Variants in SPON1 observed in about 807,000 individuals in gnomAD.
SPON1 encodes the protein spondin-1.
A neutral mutation model predicts 111.7 loss-of-function variants in SPON1; 52 were observed. That is an observed-to-expected ratio of 0.47 (90% CI 0.37 to 0.59). SPON1 has a LOEUF of 0.59. SPON1 is among the 20% of genes least tolerant of loss of function. The probability of loss-of-function intolerance (pLI) is 0.00; values close to 1 mark genes in which losing one functional copy is unlikely to be tolerated. For missense variants in SPON1, 957 were observed against 1,068.5 expected (o/e 0.90, Z 1.46); for synonymous variants, 410 against 395.8 (o/e 1.04, Z -0.43).
chr11:14,172,491 C>T lies in SPON1; in HGVS notation c.825+36923C>T, dbSNP rs1313423679. On this transcript the variant is annotated intron_variant, in intron 6 of 15. Coordinates refer to ENST00000576479, the MANE Select transcript of SPON1 (RefSeq NM_006108.4). ...TTAATTGGAGCATTTAGCCCATTTACATTTAAGGTTAATATTGTTATGTGT... is the reference window on the plus strand; with the variant it reads ...TTAATTGGAGCATTTAGCCCATTTATATTTAAGGTTAATATTGTTATGTGT... Among the ~76,000 whole-genome samples, 7 of 151,888 alleles carry T rather than the reference C, an allele frequency of 4.6e-5. 1 individual carries two copies. Among genetic ancestry groups the T allele is most frequent in the East Asian group, 3.9e-4 (2 of 5,178 alleles).
chr11:13,991,932 G>A (rs948029174), intron 2 of SPON1, among the ~76,000 whole-genome samples: 3 of 152,188 alleles, frequency 2.0e-5, no homozygotes, highest in African/African-American at 4.8e-5. Context: ...TCCTCTGGAA[G>A]CTTCATCCTA....
At chr11:14,177,275 C>T (rs1160225254) in intron 6 of SPON1, among the ~76,000 whole-genome samples, 2 of 152,058 alleles carry the variant, frequency 1.3e-5, no homozygotes, top group South Asian at 2.1e-4. Flanking sequence ...CTCCTGACCT[C>T]GTGATCTGCT....
At chr11:14,041,398 A>G in intron 2 of SPON1, 123 bp from the exon 3 acceptor site, 1 of 1,156,472 alleles carries the variant, frequency 8.6e-7, no homozygotes, top group East Asian at 2.4e-5. Context: ...GTGCCTGGGG[A>G]TACAGAGTTG....
intron 5 of SPON1, among the ~76,000 whole-genome samples, chr11:14,122,506 C>G (rs1554926598): frequency 6.6e-6 from 1 of 152,216 alleles, no homozygotes; most frequent in African/African-American, 2.4e-5. Context: ...CTCAATCTAT[C>G]TATTCTCTCC....
At chr11:14,256,030 C>T (rs1849103533) in intron 9 of SPON1, among the ~76,000 whole-genome samples, 2 of 152,214 alleles carry the variant, frequency 1.3e-5, no homozygotes, top group East Asian at 1.9e-4. Flanking sequence ...GCAGATCACC[C>T]GAGGTCAGGA....
chr11:14,166,944 T>G (rs897986749), intron 6 of SPON1, among the ~76,000 whole-genome samples: 22 of 152,076 alleles, frequency 1.4e-4, no homozygotes, highest in African/African-American at 5.3e-4. Context: ...AAGACAAATG[T>G]CTGTAGATGA....
rs370967900 is a variant in SPON1, at chr11:14,091,103, G to T, written c.676+11082G>T. 6.6e-5 allele frequency among the ~76,000 whole-genome samples: 10 copies of T among 151,576 alleles called. No individual in the cohort carries two copies. In the East Asian group the frequency reaches 9.7e-4, roughly 15 times the overall value. On this transcript the variant is annotated intron_variant, in intron 5 of 15. Coordinates refer to ENST00000576479, the MANE Select transcript of SPON1 (RefSeq NM_006108.4). Reference sequence around the variant, plus strand: ...TACAATCCCTGAGCTAGACATAAAGGTTCTCCAAAGCCCCACCAGAGCAGC... The same window carrying T: ...TACAATCCCTGAGCTAGACATAAAGTTTCTCCAAAGCCCCACCAGAGCAGC...
At chr11:14,160,727 TTATA>T (rs1453130490) in intron 6 of SPON1, among the ~76,000 whole-genome samples, 1 of 12,776 alleles carries the variant, frequency 7.8e-5, no homozygotes, top group South Asian at 3.3e-3. Flanking sequence ...ATTTATATAT[TTATA>T]TATATTTAAT....
intron 1 of SPON1, among the ~76,000 whole-genome samples, chr11:13,981,578 G>A (rs1461060046): frequency 2.0e-5 from 3 of 152,120 alleles, no homozygotes; most frequent in African/African-American, 4.8e-5. Context: ...CGCCCACCTC[G>A]GCCTCCTAAA....
chr11:14,182,514 G>T (rs1848244789), intron 6 of SPON1, among the ~76,000 whole-genome samples: 1 of 152,106 alleles, frequency 6.6e-6, no homozygotes, highest in Non-Finnish European at 1.5e-5. Flanking sequence ...ATTCCTAGCA[G>T]ATAGTCACCC....
intron 6 of SPON1, among the ~76,000 whole-genome samples, chr11:14,151,878 A>G (rs1554929944): frequency 6.6e-6 from 1 of 152,174 alleles, no homozygotes; most frequent in Non-Finnish European, 1.5e-5. Context: ...CTGTGGAGCC[A>G]ATAAGGTTTC....
chr11:13,988,253 T>C (rs2133784917), intron 2 of SPON1, among the ~76,000 whole-genome samples: 1 of 152,356 alleles, frequency 6.6e-6, no homozygotes, highest in East Asian at 1.9e-4. Flanking sequence ...TAGTTCTCCT[T>C]GAAGAGGTCC....
intron 6 of SPON1, among the ~76,000 whole-genome samples, chr11:14,161,013 A>T (rs1371055345): frequency 1.8e-4 from 15 of 82,776 alleles, no homozygotes; most frequent in African/African-American, 7.3e-4. Context: ...TTATATATTT[A>T]TATATCTATA....
At chr11:14,008,123 A>T (rs1337064561) in intron 2 of SPON1, among the ~76,000 whole-genome samples, 1 of 152,190 alleles carries the variant, frequency 6.6e-6, no homozygotes, top group African/African-American at 2.4e-5. Context: ...TATTGGAAAA[A>T]TAAAAATTAA....
chr11:14,238,292 C>T (rs1026119732), intron 6 of SPON1, among the ~76,000 whole-genome samples: 3 of 152,128 alleles, frequency 2.0e-5, no homozygotes, highest in Non-Finnish European at 4.4e-5. Context: ...GCTGACTCCA[C>T]ACTGAGGTCT....
chr11:14,046,022 T>C (rs1460647460), intron 3 of SPON1, among the ~76,000 whole-genome samples: 2 of 152,210 alleles, frequency 1.3e-5, no homozygotes, highest in African/African-American at 4.8e-5. Context: ...TTGTGAATGA[T>C]ATGATATTAA....
At chr11:14,068,985 G>T (rs1226293215) in intron 3 of SPON1, among the ~76,000 whole-genome samples, 1 of 152,144 alleles carries the variant, frequency 6.6e-6, no homozygotes, top group Non-Finnish European at 1.5e-5. Context: ...CTTAAGTTTT[G>T]CAAAGTGTCA....
intron 15 of SPON1, chr11:14,263,177 T>C (rs1200578167): frequency 1.6e-5 from 9 of 574,676 alleles, no homozygotes; most frequent in Middle Eastern, 4.6e-4. Context: ...ATAAAGGAGA[T>C]TGGCGGTGGG....
intron 3 of SPON1, among the ~76,000 whole-genome samples, chr11:14,070,230 A>G (rs1301542787): frequency 6.6e-6 from 1 of 152,234 alleles, no homozygotes; most frequent in African/African-American, 2.4e-5. Context: ...CTCTATGGAA[A>G]ACATTACTGA....
Sources: allele counts gnomAD v4.1 joint callset (sites outside exome capture counted in the v4.1 genomes callset), GRCh38; gene constraint gnomAD v4.1.1; transcripts MANE v1.5; gene names NCBI Gene and HGNC (gene_info 2026-07-23, HGNC 2026-07-21).